LPIN2: variants seen among roughly 807,000 people sequenced by gnomAD.
LPIN2 encodes phosphatidate phosphatase LPIN2.
LPIN2 carries 55 observed loss-of-function variants against 111.4 expected under a neutral mutation model. That is an observed-to-expected ratio of 0.49 (90% CI 0.40 to 0.62). LPIN2 has a LOEUF of 0.62. LPIN2 is among the 20% of genes least tolerant of loss of function. The pLI is 0.00. For missense variants in LPIN2, 992 were observed against 1,112.1 expected (o/e 0.89, Z 1.54); for synonymous variants, 425 against 414.0 (o/e 1.03, Z -0.32).
At chr18:2,947,373 C>T (rs564097628) in intron 4 of LPIN2, among the ~76,000 whole-genome samples, 2 of 152,316 alleles carry the variant, frequency 1.3e-5, no homozygotes, top group East Asian at 3.9e-4. Flanking sequence ...ACAAAGACAT[C>T]CATCCATCCT....
At chr18:2,978,213 G>A (rs1287223582) in intron 1 of LPIN2, among the ~76,000 whole-genome samples, 2 of 151,802 alleles carry the variant, frequency 1.3e-5, no homozygotes, top group African/African-American at 4.8e-5. Context: ...AAAAAAAAAA[G>A]TTGAAGGAGA....
intron 2 of LPIN2, among the ~76,000 whole-genome samples, chr18:2,956,311 G>GGGGTGT (rs537302837): frequency 3.5e-5 from 5 of 143,960 alleles, no homozygotes; most frequent in Non-Finnish European, 7.5e-5. Context: ...TAGATGCAGG[G>GGGGTGT]GTGTGTGTGT....
chr18:2,942,870 G>A (rs1385439908), intron 4 of LPIN2, among the ~76,000 whole-genome samples: 2 of 152,220 alleles, frequency 1.3e-5, no homozygotes, highest in Non-Finnish European at 2.9e-5. Context: ...ATAGTGGAGC[G>A]TACACAGTAG....
At chr18:2,970,148 A>G (rs147253670) in intron 1 of LPIN2, among the ~76,000 whole-genome samples, 243 of 152,342 alleles carry the variant, frequency 1.6e-3, no homozygotes, top group Admixed American at 0.011. Flanking sequence ...GATACGTAAG[A>G]AGAGGGGATT....
At chr18:2,958,027 A>T (rs923636262) in intron 2 of LPIN2, among the ~76,000 whole-genome samples, 4 of 151,426 alleles carry the variant, frequency 2.6e-5, no homozygotes, top group Non-Finnish European at 5.9e-5. Context: ...CTATAATCCC[A>T]GCTACTCGGG....
At chr18:2,962,661 T>C (rs1425246573) in intron 1 of LPIN2, among the ~76,000 whole-genome samples, 3 of 152,226 alleles carry the variant, frequency 2.0e-5, no homozygotes, top group Non-Finnish European at 4.4e-5. Flanking sequence ...ATAACACAGC[T>C]AGATCTCATG....
chr18:2,979,746 C>G (rs182888265), intron 1 of LPIN2, among the ~76,000 whole-genome samples: 55 of 152,280 alleles, frequency 3.6e-4, no homozygotes, highest in African/African-American at 1.2e-3. Context: ...CTACTCCCCC[C>G]CAAATTCCTG....
chr18:2,925,496 G>T lies in LPIN2; in HGVS notation c.1794-128C>A. On this transcript the variant is annotated intron_variant, in intron 13 of 19. Transcript: ENST00000677752. This position sits in a 1 kb window ranked among gnomAD's most constrained non-coding sequence, Gnocchi z 4.1. ...AGGAATGGGTAGAGTTATCCCTTCT[G>T]CCATTCTCCCATATCCACAGCTCTG... The T allele has an allele frequency of 8.0e-7, 1 of 1,252,874 alleles. No individual in the cohort carries two copies. Among genetic ancestry groups the T allele is most frequent in the African/African-American group, 1.5e-5 (1 of 67,890 alleles). 77.6% of individuals were successfully genotyped at this position (1,252,874 alleles called of 1,614,324 possible).
intron 4 of LPIN2, among the ~76,000 whole-genome samples, chr18:2,947,133 T>C (rs2077465544): frequency 6.6e-6 from 1 of 152,220 alleles, no homozygotes; most frequent in African/African-American, 2.4e-5. Flanking sequence ...CTCCCAGATA[T>C]CACTTTTAAG....
In LPIN2 at chr18:2,929,175, TAATC is replaced by T. The variant is rs757206241; in HGVS notation, c.1457-21_1457-18del. On this transcript the variant is annotated intron_variant, in intron 9 of 19. Coordinates refer to ENST00000677752, the MANE Select transcript of LPIN2 (RefSeq NM_001375808.2). The stretch of plus-strand genomic sequence containing the variant: ...TGAATTTTTCTGCAATGTAAAATAA[TAATC>T]AATTTGGTTAGAGATTACATAAATC... 3.4e-6 allele frequency: 5 copies of T among 1,475,292 alleles called. No individual in the cohort carries two copies. The highest frequency in any genetic ancestry group is 1.4e-5 in the African/African-American group (1 of 72,154). 91.4% of individuals were successfully genotyped at this position (1,475,292 alleles called of 1,614,324 possible).
At chr18:2,999,296 T>C (rs1364915032) in intron 1 of LPIN2, among the ~76,000 whole-genome samples, 1 of 152,082 alleles carries the variant, frequency 6.6e-6, no homozygotes, top group Non-Finnish European at 1.5e-5. Context: ...CTGATGTCCT[T>C]ATAAAAAGAG....
chr18:2,994,048 A>G (rs1180845733), intron 1 of LPIN2, among the ~76,000 whole-genome samples: 3 of 152,230 alleles, frequency 2.0e-5, no homozygotes, highest in Non-Finnish European at 4.4e-5. Context: ...TAGTTAAAAC[A>G]TGCTCAATCT....
chr18:2,946,521 A>G, intron 4 of LPIN2: 3 of 1,564,114 alleles, frequency 1.9e-6, no homozygotes, highest in Non-Finnish European at 1.8e-6. Context: ...CTCCGGTTGT[A>G]GCACAGCAAG....
Position 2,940,585 on chromosome 18 carries a change from G to T in LPIN2, c.698+20C>A. On this transcript the variant is annotated intron_variant, in intron 5 of 19. Transcript: ENST00000677752. ...TCTCCTTCCTCTTTCAAGAAACCAA[G>T]AAATTTCAAAGATACTTACGTCTCT... 1 of 1,494,740 alleles carries T rather than the reference G, an allele frequency of 6.7e-7. No individual in the cohort carries two copies. Among genetic ancestry groups the T allele is most frequent in the Non-Finnish European group, 9.3e-7 (1 of 1,073,076 alleles). The allele number at this position is 1,494,740 out of a possible 1,614,324, so 92.6% of individuals were successfully genotyped here.
intron 3 of LPIN2, among the ~76,000 whole-genome samples, chr18:2,954,151 G>A (rs1302479527): frequency 6.6e-6 from 1 of 152,186 alleles, no homozygotes. Context: ...AGCCAGAAGA[G>A]AAATGCCCTA....
At chr18:2,941,742 T>C (rs1453612540) in intron 4 of LPIN2, among the ~76,000 whole-genome samples, 1 of 152,220 alleles carries the variant, frequency 6.6e-6, no homozygotes, top group Non-Finnish European at 1.5e-5. Flanking sequence ...CTGGCCAAGA[T>C]GGTGAAACCC....
At chr18:2,946,130 G>A (rs1568551455) in intron 4 of LPIN2, 1 of 1,595,326 alleles carries the variant, frequency 6.3e-7, no homozygotes, top group South Asian at 1.1e-5. Context: ...TTCATTCCCT[G>A]ATGACAGTTT....
intron 1 of LPIN2, among the ~76,000 whole-genome samples, chr18:2,964,215 G>A (rs569063897): frequency 4.2e-5 from 6 of 143,082 alleles, no homozygotes; most frequent in African/African-American, 7.9e-5. Flanking sequence ...CCTGGGAAGC[G>A]GAGGGTGCAG....
intron 1 of LPIN2, among the ~76,000 whole-genome samples, chr18:2,986,553 A>G (rs1482865312): frequency 6.6e-6 from 1 of 151,958 alleles, no homozygotes; most frequent in African/African-American, 2.4e-5. Flanking sequence ...AATGTAAAAA[A>G]AAAAAAAAAA....
Sources: gnomAD v4.1 joint callset for allele counts (sites outside exome capture counted in the v4.1 genomes callset) on GRCh38, gnomAD v4.1.1 for gene constraint, Gnocchi (gnomAD v3.1) non-coding constraint, MANE v1.5 for transcripts, NCBI Gene and HGNC (gene_info 2026-07-23, HGNC 2026-07-21) for gene names.